The following DLGAP1 variants were observed in gnomAD, a reference collection of about 807,000 sequenced individuals.
DLGAP1 encodes the protein DLG associated protein 1.
A neutral mutation model predicts 90.8 loss-of-function variants in DLGAP1; 11 were observed. The observed-to-expected ratio is 0.12, with a 90% confidence interval of 0.08 to 0.20. The LOEUF is 0.20. Among genes scored for constraint, DLGAP1 ranks in the 10% least tolerant of loss-of-function variants. The pLI, the probability that DLGAP1 is intolerant of heterozygous loss-of-function variation, is 1.00. For synonymous variants in DLGAP1, 558 were observed against 540.7 expected, an observed-to-expected ratio of 1.03 and a Z score of -0.44; for missense variants, 1,050 against 1,333.8, an observed-to-expected ratio of 0.79 and a Z score of 3.31.
At chr18:3,639,828 C>T (rs1388151884) in intron 7 of DLGAP1, among the ~76,000 whole-genome samples, 4 of 136,436 alleles carry the variant, frequency 2.9e-5, no homozygotes, top group African/African-American at 1.1e-4. Context: ...GATCTCGGCT[C>T]ACTGCAAGCT....
Position 3,814,101 on chromosome 18 carries a change from A to C in DLGAP1, c.1130T>G (p.Leu377Arg). 1.2e-6 allele frequency: 2 copies of C among 1,614,064 alleles called. No homozygotes were observed. Among genetic ancestry groups the C allele is most frequent in the Middle Eastern group, 1.6e-4 (1 of 6,062 alleles). Reference sequence around the variant, plus strand: ...TGTAAGGGATGGCTGAGTAGCCTTGAGATAGCTTTCTCTCCGCGCAGCAAC... The same window carrying C: ...TGTAAGGGATGGCTGAGTAGCCTTGCGATAGCTTTCTCTCCGCGCAGCAAC... Reference protein sequence around the residue: ...PKVAARRESYLKATQPSLTEL... With the variant: ...PKVAARRESYRKATQPSLTEL... Residue 377 changes from leucine (L) to arginine (R), a missense_variant, in exon 5 of 13, where the codon CTC (leucine) becomes CGC (arginine). By Grantham distance (102) the Leu-to-Arg change is moderately radical (BLOSUM62 -2). Around this residue, in one of 2 missense-constraint regions of DLGAP1, gnomAD observed 565 missense variants for 879.7 expected, o/e 0.64. Coordinates refer to ENST00000315677, the MANE Select transcript of DLGAP1 (RefSeq NM_004746.4).
intron 5 of DLGAP1, among the ~76,000 whole-genome samples, chr18:3,745,370 G>T (rs1040252007): frequency 6.6e-6 from 1 of 152,148 alleles, no homozygotes; most frequent in African/African-American, 2.4e-5. Flanking sequence ...CCACAAAACC[G>T]TTGTAAAAAA....
intron 3 of DLGAP1, among the ~76,000 whole-genome samples, chr18:3,997,638 A>G (rs986360666): frequency 6.6e-6 from 1 of 152,146 alleles, no homozygotes; most frequent in African/African-American, 2.4e-5. Context: ...GCACCATACA[A>G]TAGAAATATG....
rs2059654633 is a variant in DLGAP1 at position 3,660,713 on chromosome 18, C to T, written c.1591+68422G>A. Among the ~76,000 whole-genome samples, 1 of 152,212 alleles carries T rather than the reference C, an allele frequency of 6.6e-6. No homozygotes were observed. The highest frequency in any genetic ancestry group is 1.5e-5 in the Non-Finnish European group (1 of 68,046). ...CTATGTGCAGAGTGAATACATATAACTTGCAGTAAATATTTAGGTGTTTTA... is the reference window on the plus strand; with the variant it reads ...CTATGTGCAGAGTGAATACATATAATTTGCAGTAAATATTTAGGTGTTTTA... On this transcript the variant is annotated intron_variant, in intron 7 of 12. Transcript: ENST00000315677. This position sits in a 1 kb window ranked among gnomAD's most constrained non-coding sequence, Gnocchi z 4.2.
At chr18:3,551,460 A>T (rs956075512) in intron 9 of DLGAP1, among the ~76,000 whole-genome samples, 1 of 150,498 alleles carries the variant, frequency 6.6e-6, no homozygotes, top group South Asian at 2.1e-4. Flanking sequence ...TGTTGGCCAG[A>T]CTGGTCTTGA....
At chr18:4,176,817 C>T (rs972646685) in intron 1 of DLGAP1, among the ~76,000 whole-genome samples, 46 of 152,290 alleles carry the variant, frequency 3.0e-4, no homozygotes, top group Non-Finnish European at 4.0e-4. Flanking sequence ...AGGAATGGAG[C>T]GGATGCCATT....
At chr18:4,306,005 TACAC>T (rs375614632) in intron 1 of DLGAP1, among the ~76,000 whole-genome samples, 1 of 121,430 alleles carries the variant, frequency 8.2e-6, no homozygotes, top group African/African-American at 3.1e-5. Context: ...CCCAAAACAT[TACAC>T]ACACACACAC....
intron 9 of DLGAP1, among the ~76,000 whole-genome samples, chr18:3,558,118 C>T (rs11664453): frequency 3.0e-4 from 45 of 152,184 alleles, no homozygotes; most frequent in Admixed American, 5.2e-4. Flanking sequence ...TACTGATGTT[C>T]TGCCTTCTTG....
chr18:4,143,756 A>T (rs1197257385), intron 2 of DLGAP1, among the ~76,000 whole-genome samples: 1 of 152,084 alleles, frequency 6.6e-6, no homozygotes, highest in Non-Finnish European at 1.5e-5. Context: ...TCTGAGTCAC[A>T]ACCAAGGCCC....
chr18:3,635,098 A>G (rs940534744), intron 7 of DLGAP1, among the ~76,000 whole-genome samples: 5 of 151,900 alleles, frequency 3.3e-5, no homozygotes, highest in Non-Finnish European at 5.9e-5. Flanking sequence ...AAAGTTTCAT[A>G]TACAAACTAG....
At chr18:4,172,549 T>C (rs1047668178) in intron 1 of DLGAP1, among the ~76,000 whole-genome samples, 4 of 152,204 alleles carry the variant, frequency 2.6e-5, no homozygotes, top group African/African-American at 4.8e-5. Flanking sequence ...TTCCAGTTAT[T>C]TCAAAGCTGA....
intron 7 of DLGAP1, among the ~76,000 whole-genome samples, chr18:3,723,708 C>T (rs1390663847): frequency 2.0e-5 from 3 of 152,034 alleles, no homozygotes; most frequent in Non-Finnish European, 4.4e-5. Flanking sequence ...GTTCTGACCT[C>T]AGATGATCAA....
chr18:3,939,416 CA>C (rs10591716), intron 3 of DLGAP1, among the ~76,000 whole-genome samples: 253 of 82,112 alleles, frequency 3.1e-3, no homozygotes, highest in Middle Eastern at 0.016. Flanking sequence ...GATTCTGTCT[CA>C]AAAAAAAAAA....
rs571507557 is a variant in DLGAP1 at position 3,972,080 on chromosome 18, G to T, written c.-73+33036C>A. 2.6e-5 allele frequency among the ~76,000 whole-genome samples: 4 copies of T among 152,228 alleles called. No homozygotes were observed. The East Asian group carries it at 7.7e-4, about 29-fold the overall frequency. ...CAATCCTGTAATGTGTAAGGTTTCA[G>T]TTTTCAAGGATATAACTAAAGAAGT... On this transcript the variant is annotated intron_variant, in intron 3 of 12. Transcript: ENST00000315677.
At chr18:4,172,147 A>C (rs1305423769) in intron 1 of DLGAP1, among the ~76,000 whole-genome samples, 2 of 152,216 alleles carry the variant, frequency 1.3e-5, no homozygotes, top group Non-Finnish European at 2.9e-5. Flanking sequence ...AAGTTGATCC[A>C]ATGGTAGAGA....
intron 1 of DLGAP1, among the ~76,000 whole-genome samples, chr18:4,252,195 G>T (rs1173048197): frequency 6.6e-6 from 1 of 152,220 alleles, no homozygotes; most frequent in Non-Finnish European, 1.5e-5. Context: ...TGCAAATCAG[G>T]AGAGTTTTAT....
chr18:4,220,748 T>G (rs894949086), intron 1 of DLGAP1, among the ~76,000 whole-genome samples: 1 of 152,156 alleles, frequency 6.6e-6, no homozygotes, highest in African/African-American at 2.4e-5. Flanking sequence ...TCTATCTAGA[T>G]GAACTCTTAC....
intron 2 of DLGAP1, among the ~76,000 whole-genome samples, chr18:4,050,908 G>A (rs1289883358): frequency 2.0e-5 from 3 of 152,202 alleles, no homozygotes; most frequent in Non-Finnish European, 2.9e-5. Context: ...CATGACTGAA[G>A]TTCTACTGTG....
At chr18:4,425,517 C>T (rs1250155390) in intron 1 of DLGAP1, among the ~76,000 whole-genome samples, 2 of 152,170 alleles carry the variant, frequency 1.3e-5, no homozygotes, top group East Asian at 3.8e-4. Context: ...CCATATCTGC[C>T]TAAAGACCCA....
Sources: gnomAD v4.1 joint callset for allele counts (sites outside exome capture counted in the v4.1 genomes callset) on GRCh38, gnomAD v4.1.1 for gene constraint, gnomAD v4.1.1 regional missense constraint, Gnocchi (gnomAD v3.1) non-coding constraint, MANE v1.5 for transcripts, NCBI Gene and HGNC (gene_info 2026-07-23, HGNC 2026-07-21) for gene names.